MTMR7: variants seen among roughly 807,000 people sequenced by gnomAD.
MTMR7 encodes the protein myotubularin related protein 7.
Under a neutral mutation model 81.2 loss-of-function variants are expected in MTMR7, and 76 were observed. The observed-to-expected ratio is 0.94, with a 90% confidence interval of 0.78 to 1.13. The LOEUF is 1.13. Among genes scored for constraint, MTMR7 ranks in the 50% most tolerant of loss-of-function variants. MTMR7 has a pLI of 0.00. For missense variants in MTMR7, 1,044 were observed against 820.0 expected (o/e 1.27, Z -3.34); for synonymous variants, 372 against 289.8 (o/e 1.28, Z -2.88).
chr8:17,397,105 C>A (rs1821277213), intron 1 of MTMR7, among the ~76,000 whole-genome samples: 1 of 151,890 alleles, frequency 6.6e-6, no homozygotes, highest in South Asian at 2.1e-4. Flanking sequence ...TTGGGTGAGA[C>A]TGAGGCGTGC....
At chr8:17,371,651 G>C (rs1167520305) in intron 2 of MTMR7, among the ~76,000 whole-genome samples, 2 of 152,134 alleles carry the variant, frequency 1.3e-5, no homozygotes, top group Non-Finnish European at 2.9e-5. Flanking sequence ...ATCAACATGG[G>C]ATTGTTGTTT....
At chr8:17,361,865 A>G (rs1156561949) in intron 3 of MTMR7, among the ~76,000 whole-genome samples, 13 of 152,232 alleles carry the variant, frequency 8.5e-5, no homozygotes, top group Admixed American at 8.5e-4. Context: ...TCATAAAAAA[A>G]ATCAATTCAT....
intron 3 of MTMR7, among the ~76,000 whole-genome samples, chr8:17,362,994 T>C (rs910973086): frequency 6.6e-6 from 1 of 152,258 alleles, no homozygotes; most frequent in African/African-American, 2.4e-5. Flanking sequence ...ATAAATTATA[T>C]TCTATTTCAG....
At chr8:17,363,850 T>C (rs1820132723) in intron 3 of MTMR7, among the ~76,000 whole-genome samples, 1 of 151,248 alleles carries the variant, frequency 6.6e-6, no homozygotes, top group Non-Finnish European at 1.5e-5. Flanking sequence ...CTTTTCGTTC[T>C]CTACTTTTAC....
rs117835096 is a variant in MTMR7, at chr8:17,351,700, A to G, written c.469-2619T>C. ...TTCCCCAGAGCACTGGGTCTAGGGGAAAAAGCTCCATGGGTCACAGCTTAA... is the reference window on the plus strand; with the variant it reads ...TTCCCCAGAGCACTGGGTCTAGGGGGAAAAGCTCCATGGGTCACAGCTTAA... On this transcript the variant is annotated intron_variant, in intron 4 of 13. Transcript: ENST00000180173. 6.9e-3 allele frequency among the ~76,000 whole-genome samples: 1,047 copies of G among 152,324 alleles called. 58 individuals carry two copies. In the South Asian group the frequency reaches 0.11, roughly 17 times the overall value.
At position 17,310,487 on chromosome 8, in the gene MTMR7, A is replaced by G. The variant is rs150196878; in HGVS notation, c.1101+1024T>C. Among the ~76,000 whole-genome samples, 460 of 152,308 alleles carry G rather than the reference A, an allele frequency of 3.0e-3. 5 individuals are homozygous for G. The highest frequency in any genetic ancestry group is 4.3e-3 in the Non-Finnish European group (290 of 68,034). ...CACAATGAGAACAAGTTGATGATGG[A>G]AACGCATGTGTGCAGGAGAAGAGCC... On this transcript the variant is annotated intron_variant, in intron 9 of 13. Transcript: ENST00000180173.
intron 13 of MTMR7, 86 bp downstream of exon 13, chr8:17,302,068 G>A (rs758991603): frequency 1.3e-6 from 2 of 1,537,876 alleles, no homozygotes; most frequent in Non-Finnish European, 1.8e-6. Context: ...TATTTGTATT[G>A]CACTGAATCT....
intron 3 of MTMR7, 58 bp from the exon 4 acceptor site, chr8:17,361,332 TC>T (rs1171381026): frequency 1.3e-6 from 2 of 1,596,244 alleles, no homozygotes; most frequent in Non-Finnish European, 1.7e-6. Flanking sequence ...GAGCCAAATC[TC>T]CCCGAAAACA....
intron 1 of MTMR7, among the ~76,000 whole-genome samples, chr8:17,377,531 G>A (rs137908969): frequency 2.0e-4 from 30 of 152,090 alleles, no homozygotes; most frequent in Middle Eastern, 6.8e-3. Context: ...GTTAATTTCT[G>A]GTTCCTTAAT....
intron 4 of MTMR7, among the ~76,000 whole-genome samples, chr8:17,358,975 C>A (rs566758665): frequency 6.6e-6 from 1 of 152,264 alleles, no homozygotes; most frequent in South Asian, 2.1e-4. Context: ...CTCACTGCTG[C>A]CTCAACCTCG....
At chr8:17,335,380 A>G (rs1476025381) in intron 6 of MTMR7, among the ~76,000 whole-genome samples, 1 of 152,178 alleles carries the variant, frequency 6.6e-6, no homozygotes, top group Non-Finnish European at 1.5e-5. Flanking sequence ...GACTGTGAAG[A>G]AACAGCATGA....
Position 17,297,508 on chromosome 8 carries a change from A to T in MTMR7, c.*2354T>A, listed in dbSNP as rs1415299502. The T allele has an allele frequency of 6.6e-6, 1 of 152,104 alleles. No individual in the cohort carries two copies. 9.4% of individuals were successfully genotyped at this position (152,104 alleles called of 1,614,324 possible). A position where few individuals can be genotyped will look rare whatever the true frequency, so the allele number is the denominator to read the frequency against. On this transcript the variant is annotated 3_prime_UTR_variant, in exon 14 of 14. Transcript: ENST00000180173. ...GTCTCTGATCATCACCTTCCATTCT[A>T]TAAAAAGCTCAGTTACTGATTTGCT...
rs568217782 is a variant in MTMR7 at position 17,397,627 on chromosome 8, G to T, written c.24+15642C>A. ...GCTCCCAGACAACATCTCTGGACCTGCCCAGGGCCTGGGGGAACTCGCCAC... is the reference window on the plus strand; with the variant it reads ...GCTCCCAGACAACATCTCTGGACCTTCCCAGGGCCTGGGGGAACTCGCCAC... On this transcript the variant is annotated intron_variant, in intron 1 of 13. Coordinates refer to ENST00000180173, the MANE Select transcript of MTMR7 (RefSeq NM_004686.5). Among the ~76,000 whole-genome samples the T allele has an allele frequency of 5.1e-4, 77 of 152,312 alleles. 1 individual carries two copies. Among genetic ancestry groups the T allele is most frequent in the African/African-American group, 1.8e-3 (73 of 41,582 alleles).
At chr8:17,390,010 C>T (rs920216893) in intron 1 of MTMR7, among the ~76,000 whole-genome samples, 2 of 151,170 alleles carry the variant, frequency 1.3e-5, no homozygotes, top group African/African-American at 4.9e-5. Context: ...GATAAAGTCA[C>T]TGCTCACATG....
chr8:17,407,266 G>GT (rs1428009258), intron 1 of MTMR7, among the ~76,000 whole-genome samples: 4 of 150,350 alleles, frequency 2.7e-5, no homozygotes, highest in Middle Eastern at 3.2e-3. Flanking sequence ...AACCTCGCTG[G>GT]TAAAAAAAAA....
intron 1 of MTMR7, among the ~76,000 whole-genome samples, chr8:17,407,587 T>G (rs2150588100): frequency 6.8e-6 from 1 of 147,356 alleles, no homozygotes; most frequent in Non-Finnish European, 1.5e-5. Flanking sequence ...ATAATGACAT[T>G]TCCATAGGAT....
At chr8:17,362,996 C>G (rs1281579782) in intron 3 of MTMR7, among the ~76,000 whole-genome samples, 2 of 152,224 alleles carry the variant, frequency 1.3e-5, no homozygotes, top group Non-Finnish European at 2.9e-5. Flanking sequence ...AAATTATATT[C>G]TATTTCAGTC....
In MTMR7 at chr8:17,341,346, G is replaced by T. The variant is rs186492350; in HGVS notation, c.732+17C>A. On this transcript the variant is annotated intron_variant, in intron 6 of 13. Transcript: ENST00000180173. The stretch of plus-strand genomic sequence containing the variant: ...CAACTCAGGTGCAAAGACATGCATC[G>T]CAACGGTGACACTTACTTTAGGCCG... 1.9e-6 allele frequency: 3 copies of T among 1,613,180 alleles called. No homozygotes were observed. The highest frequency in any genetic ancestry group is 1.3e-5 in the African/African-American group (1 of 74,898).
intron 3 of MTMR7, among the ~76,000 whole-genome samples, chr8:17,369,032 A>T (rs1238931399): frequency 6.6e-6 from 1 of 152,136 alleles, no homozygotes; most frequent in East Asian, 1.9e-4. Context: ...GGTCCCTGTG[A>T]TTCACTCATC....
Sources: allele counts gnomAD v4.1 joint callset (sites outside exome capture counted in the v4.1 genomes callset), GRCh38; gene constraint gnomAD v4.1.1; transcripts MANE v1.5; gene names NCBI Gene and HGNC (gene_info 2026-07-23, HGNC 2026-07-21).